MBD5: variants seen among roughly 807,000 people sequenced by gnomAD.
The protein encoded by MBD5 is methyl-CpG binding domain protein 5, also known as methyl-CpG-binding domain protein 5.
MBD5 carries 13 observed loss-of-function variants against 117.3 expected under a neutral mutation model. The observed-to-expected ratio is 0.11, with a 90% confidence interval of 0.07 to 0.18. The LOEUF (loss-of-function observed/expected upper bound fraction) is 0.18. Ranked by LOEUF, MBD5 falls within the 10% of genes least tolerant of loss-of-function variation. The probability of loss-of-function intolerance (pLI) is 1.00; values close to 1 mark genes in which losing one functional copy is unlikely to be tolerated. For missense variants in MBD5, 1,879 were observed against 2,093.8 expected, an observed-to-expected ratio of 0.90 and a Z score of 2.00; for synonymous variants, 727 against 766.4, an observed-to-expected ratio of 0.95 and a Z score of 0.85.
chr2:148,456,435 C>T (rs534018958), intron 4 of MBD5, among the ~76,000 whole-genome samples: 26 of 152,204 alleles, frequency 1.7e-4, no homozygotes, highest in Admixed American at 4.6e-4. Flanking sequence ...TTTCAACCTA[C>T]GGATTTGGGG....
chr2:148,390,493 GTA>G (rs1559051407), intron 4 of MBD5, among the ~76,000 whole-genome samples: 1 of 146,598 alleles, frequency 6.8e-6, no homozygotes. Flanking sequence ...ATATATATGT[GTA>G]TATATGTGTG....
At chr2:148,175,956 T>C (rs1305298337) in intron 1 of MBD5, among the ~76,000 whole-genome samples, 1 of 152,234 alleles carries the variant, frequency 6.6e-6, no homozygotes, top group East Asian at 1.9e-4. Flanking sequence ...ATGTTAGTGC[T>C]ACTTAACAAT....
chr2:148,486,213 T>C (rs1446990884), intron 10 of MBD5, among the ~76,000 whole-genome samples: 1 of 152,176 alleles, frequency 6.6e-6, no homozygotes, highest in Non-Finnish European at 1.5e-5. Flanking sequence ...CCTTTTGTCA[T>C]TTATCATTGT....
intron 3 of MBD5, among the ~76,000 whole-genome samples, chr2:148,257,162 C>G (rs1434415127): frequency 6.6e-6 from 1 of 152,190 alleles, no homozygotes; most frequent in Non-Finnish European, 1.5e-5. Flanking sequence ...CTGTGCACTG[C>G]CACAGGCCCC....
intron 4 of MBD5, among the ~76,000 whole-genome samples, chr2:148,430,588 A>G (rs888526911): frequency 1.3e-5 from 2 of 152,102 alleles, no homozygotes; most frequent in African/African-American, 4.8e-5. Context: ...ACTGTCTATT[A>G]ATCAACTTCT....
At chr2:148,289,523 T>C (rs2106418996) in intron 3 of MBD5, among the ~76,000 whole-genome samples, 1 of 152,298 alleles carries the variant, frequency 6.6e-6, no homozygotes, top group East Asian at 1.9e-4. Flanking sequence ...CCTACCAAGG[T>C]ATGCCATACC....
At chr2:148,417,175 T>A (rs1705445445) in intron 4 of MBD5, among the ~76,000 whole-genome samples, 1 of 152,032 alleles carries the variant, frequency 6.6e-6, no homozygotes, top group Non-Finnish European at 1.5e-5. Flanking sequence ...CAGGCTGGAG[T>A]GCAGTGGTGT....
intron 10 of MBD5, among the ~76,000 whole-genome samples, chr2:148,488,508 T>C (rs1574482918): frequency 6.6e-6 from 1 of 151,926 alleles, no homozygotes; most frequent in East Asian, 1.9e-4. Context: ...AGGGTGATAA[T>C]AGCAAGAGAG....
At chr2:148,070,156 T>C (rs1047810367) in intron 1 of MBD5, among the ~76,000 whole-genome samples, 1 of 152,174 alleles carries the variant, frequency 6.6e-6, no homozygotes, top group Non-Finnish European at 1.5e-5. Context: ...TCTACCTCCA[T>C]GAGGTCAACT....
chr2:148,221,087 G>A (rs1699675133), intron 2 of MBD5, among the ~76,000 whole-genome samples: 2 of 152,098 alleles, frequency 1.3e-5, no homozygotes, highest in Non-Finnish European at 1.5e-5. Flanking sequence ...TTCCATTCAT[G>A]TTGTTGCAGA....
intron 4 of MBD5, among the ~76,000 whole-genome samples, chr2:148,419,236 G>T (rs1453252845): frequency 6.6e-6 from 1 of 152,100 alleles, no homozygotes; most frequent in African/African-American, 2.4e-5. Context: ...AACTGAAGAT[G>T]AATTAAAGAC....
At chr2:148,419,061 C>G (rs1370297453) in intron 4 of MBD5, among the ~76,000 whole-genome samples, 2 of 151,924 alleles carry the variant, frequency 1.3e-5, no homozygotes, top group Non-Finnish European at 2.9e-5. Flanking sequence ...AATAGAGAAC[C>G]CAGAATTAAA....
chr2:148,124,312 C>CA (rs1229977147), intron 1 of MBD5, among the ~76,000 whole-genome samples: 19 of 151,922 alleles, frequency 1.3e-4, no homozygotes, highest in African/African-American at 1.5e-4. Flanking sequence ...CACACACACA[C>CA]AAAAAACAAG....
chr2:148,342,141 C>A (rs970721837), intron 3 of MBD5, 73 bp from the exon 4 acceptor site: 7 of 151,964 alleles, frequency 4.6e-5, no homozygotes, highest in African/African-American at 1.4e-4. Context: ...TGAAAAAATG[C>A]CAACAATACT....
At chr2:148,092,314 A>G (rs949834440) in intron 1 of MBD5, among the ~76,000 whole-genome samples, 2 of 152,242 alleles carry the variant, frequency 1.3e-5, no homozygotes, top group African/African-American at 4.8e-5. Flanking sequence ...AATACTGGGT[A>G]TCTACCTAGA....
chr2:148,112,822 T>G (rs1319273562), intron 1 of MBD5, among the ~76,000 whole-genome samples: 1 of 152,098 alleles, frequency 6.6e-6, no homozygotes, highest in Non-Finnish European at 1.5e-5. Context: ...CACTTACTAC[T>G]TCTAAAACTC....
chr2:148,406,442 G>C (rs1705079561), intron 4 of MBD5, among the ~76,000 whole-genome samples: 1 of 152,122 alleles, frequency 6.6e-6, no homozygotes, highest in African/African-American at 2.4e-5. Context: ...TCATCAGATT[G>C]TCAGCTTTTA....
intron 4 of MBD5, among the ~76,000 whole-genome samples, chr2:148,425,418 C>T (rs1705746591): frequency 6.6e-6 from 1 of 152,100 alleles, no homozygotes; most frequent in Admixed American, 6.6e-5. Context: ...AAAAAAAGTC[C>T]AGGACTAGAC....
chr2:148,106,267 C>A (rs913782080), intron 1 of MBD5, among the ~76,000 whole-genome samples: 1 of 151,474 alleles, frequency 6.6e-6, no homozygotes, highest in Admixed American at 6.6e-5. Context: ...TTAAATTTTG[C>A]TTTAGGTATT....
Sources: allele counts gnomAD v4.1 joint callset (sites outside exome capture counted in the v4.1 genomes callset), GRCh38; gene constraint gnomAD v4.1.1; transcripts MANE v1.5; gene names NCBI Gene and HGNC (gene_info 2026-07-23, HGNC 2026-07-21).